The following GRID2 variants were observed in gnomAD, a reference collection of about 807,000 sequenced individuals.
The protein encoded by GRID2 is glutamate receptor ionotropic, delta-2.
A neutral mutation model predicts 114.8 loss-of-function variants in GRID2; 33 were observed. The observed-to-expected ratio is 0.29, with a 90% CI of 0.22 to 0.38. The LOEUF (loss-of-function observed/expected upper bound fraction) is 0.38, where lower values mean the gene tolerates loss of function less well. Ranked by LOEUF, GRID2 falls within the 10% of genes least tolerant of loss-of-function variation. The probability of loss-of-function intolerance (pLI) is 1.00; values close to 1 mark genes in which losing one functional copy is unlikely to be tolerated. For synonymous variants in GRID2, 505 were observed against 449.9 expected (o/e 1.12, Z -1.55); for missense variants, 1,184 against 1,257.7 (o/e 0.94, Z 0.89).
chr4:93,707,639 ATTATCT>A (rs1259934150), intron 14 of GRID2, among the ~76,000 whole-genome samples: 1 of 151,712 alleles, frequency 6.6e-6, no homozygotes, highest in Non-Finnish European at 1.5e-5. Flanking sequence ...TTTTCAAGAA[ATTATCT>A]TTTTCTTTTA....
At chr4:92,615,942 T>C (rs1296083731) in intron 2 of GRID2, among the ~76,000 whole-genome samples, 3 of 151,690 alleles carry the variant, frequency 2.0e-5, no homozygotes, top group Non-Finnish European at 4.4e-5. Flanking sequence ...GTTATTGTCT[T>C]TATATGTTGT....
Position 93,325,162 on chromosome 4 carries a change from T to G in GRID2, c.1246-70445T>G, listed in dbSNP as rs529400682. On this transcript the variant is annotated intron_variant, in intron 8 of 15. Coordinates refer to ENST00000282020, the MANE Select transcript of GRID2 (RefSeq NM_001510.4). Reference sequence around the variant, plus strand: ...AATTTTAGTTCTTTCCTGCTTTCTCTTATGGGCATTGAGTGCTATAAATTT... The same window carrying G: ...AATTTTAGTTCTTTCCTGCTTTCTCGTATGGGCATTGAGTGCTATAAATTT... Among the ~76,000 whole-genome samples the G allele has an allele frequency of 4.1e-4, 63 of 152,314 alleles. 1 individual carries two copies. In the South Asian group the frequency reaches 5.6e-3, roughly 14 times the overall value.
At position 92,704,202 on chromosome 4, in the gene GRID2, C is replaced by T. The variant is rs1409213038; in HGVS notation, c.244+113916C>T. 2.6e-5 allele frequency among the ~76,000 whole-genome samples: 4 copies of T among 152,046 alleles called. No homozygotes were observed. In the South Asian group the frequency reaches 6.2e-4, roughly 24 times the overall value. ...TTGAGGCAGGAGAATGGCATGAATC[C>T]GGGAGGCGGAGCTTGCAGTGAGCCG... On this transcript the variant is annotated intron_variant, in intron 2 of 15. Transcript: ENST00000282020.
intron 1 of GRID2, among the ~76,000 whole-genome samples, chr4:92,368,134 G>T (rs961767503): frequency 3.9e-5 from 6 of 152,088 alleles, no homozygotes; most frequent in African/African-American, 1.4e-4. Context: ...GGGTCTCAGA[G>T]TATGGGTAAT....
intron 2 of GRID2, among the ~76,000 whole-genome samples, chr4:92,950,505 C>T (rs890451602): frequency 1.3e-5 from 2 of 152,110 alleles, no homozygotes; most frequent in African/African-American, 4.8e-5. Context: ...TGATTATTAG[C>T]TTATATCCCT....
intron 1 of GRID2, among the ~76,000 whole-genome samples, chr4:92,437,215 A>G (rs371519236): frequency 2.0e-4 from 31 of 152,296 alleles, no homozygotes; most frequent in African/African-American, 7.0e-4. Context: ...TTGGGCTATG[A>G]CTAGCATTTC....
chr4:92,730,659 A>G lies in GRID2; in HGVS notation c.244+140373A>G, dbSNP rs1380091312. 2.6e-5 allele frequency among the ~76,000 whole-genome samples: 4 copies of G among 151,982 alleles called. No individual in the cohort carries two copies. In the East Asian group the frequency reaches 7.7e-4, roughly 29 times the overall value. On this transcript the variant is annotated intron_variant, in intron 2 of 15. Transcript: ENST00000282020. ...ATATTTTAGTGATTAGACTAAAACAAGCCCAAAGTAATAATAACATGGCAT... is the reference window on the plus strand; with the variant it reads ...ATATTTTAGTGATTAGACTAAAACAGGCCCAAAGTAATAATAACATGGCAT...
intron 12 of GRID2, among the ~76,000 whole-genome samples, chr4:93,514,823 G>T (rs1729550672): frequency 6.6e-6 from 1 of 152,126 alleles, no homozygotes; most frequent in Admixed American, 6.6e-5. Context: ...CTACGTAAAG[G>T]AATGTAGAAC....
intron 11 of GRID2, among the ~76,000 whole-genome samples, chr4:93,471,665 C>G (rs1724809329): frequency 7.1e-6 from 1 of 140,948 alleles, no homozygotes; most frequent in African/African-American, 2.7e-5. Flanking sequence ...TTATTCATTA[C>G]TTAATTCATT....
chr4:92,535,935 T>C (rs544807196), intron 1 of GRID2, among the ~76,000 whole-genome samples: 6 of 152,130 alleles, frequency 3.9e-5, no homozygotes, highest in Non-Finnish European at 5.9e-5. Context: ...TCCTGGTGGG[T>C]TCATGGTCTC....
intron 13 of GRID2, among the ~76,000 whole-genome samples, chr4:93,565,510 T>A (rs187808009): frequency 6.6e-6 from 1 of 152,172 alleles, no homozygotes; most frequent in Non-Finnish European, 1.5e-5. Context: ...ATAATCAATC[T>A]TATTTCTGTT....
intron 12 of GRID2, among the ~76,000 whole-genome samples, chr4:93,495,119 A>G (rs1012000206): frequency 6.6e-6 from 1 of 151,744 alleles, no homozygotes; most frequent in African/African-American, 2.4e-5. Context: ...AAGGGATCCC[A>G]ACATCCCACC....
At chr4:93,359,948 T>C (rs959267208) in intron 8 of GRID2, among the ~76,000 whole-genome samples, 1 of 149,584 alleles carries the variant, frequency 6.7e-6, no homozygotes, top group African/African-American at 2.5e-5. Context: ...ATCACTTCTT[T>C]TATATTCTCT....
intron 2 of GRID2, among the ~76,000 whole-genome samples, chr4:92,916,482 G>A (rs531355714): frequency 7.2e-5 from 11 of 151,958 alleles, no homozygotes; most frequent in South Asian, 2.1e-4. Context: ...TTAACATTAG[G>A]TATATCTCCT....
At chr4:92,713,806 C>G (rs1735398671) in intron 2 of GRID2, among the ~76,000 whole-genome samples, 1 of 151,770 alleles carries the variant, frequency 6.6e-6, no homozygotes, top group Non-Finnish European at 1.5e-5. Context: ...AAGACCTGCC[C>G]CCATGATACA....
chr4:93,522,467 TA>T (rs370887710), intron 13 of GRID2, among the ~76,000 whole-genome samples: 302 of 152,276 alleles, frequency 2.0e-3, no homozygotes, highest in African/African-American at 6.7e-3. Flanking sequence ...TGACTGAGCA[TA>T]AGTGCAAAGT....
chr4:93,216,813 C>T lies in GRID2; in HGVS notation c.865C>T (p.Pro289Ser), dbSNP rs765313483. ...GRLTIIRQTF[P>S]VPQNISQRCF... ...GTTAACGATTATTCGGCAGACATTT[C>T]CAGTTCCCCAGAACATAAGTCAGCG... The change falls in exon 6 of 16, where the codon CCA (proline) becomes TCA (serine). Residue 289 changes from proline (P) to serine (S), a missense_variant. Pro to Ser is a moderately conservative substitution (Grantham distance 74, BLOSUM62 -1). This residue lies in a region of GRID2 where 455 missense variants were observed against 429.5 expected (regional missense o/e 1.06). Coordinates refer to ENST00000282020, the MANE Select transcript of GRID2 (RefSeq NM_001510.4). The T allele has an allele frequency of 6.2e-7, 1 of 1,612,256 alleles. No homozygotes were observed. The highest frequency in any genetic ancestry group is 8.5e-7 in the Non-Finnish European group (1 of 1,178,504).
intron 2 of GRID2, among the ~76,000 whole-genome samples, chr4:92,622,780 T>G (rs141672616): frequency 2.8e-4 from 42 of 151,798 alleles, no homozygotes; most frequent in African/African-American, 9.6e-4. Flanking sequence ...CTTAGGAAAT[T>G]TATCTAAGTA....
chr4:93,072,138 C>T (rs1272471436), intron 2 of GRID2, among the ~76,000 whole-genome samples: 1 of 152,006 alleles, frequency 6.6e-6, no homozygotes, highest in African/African-American at 2.4e-5. Context: ...AGATACAAAG[C>T]ACTTTTTCCC....
Sources: allele counts gnomAD v4.1 joint callset (sites outside exome capture counted in the v4.1 genomes callset), GRCh38; gene constraint gnomAD v4.1.1; regional missense constraint gnomAD v4.1.1; transcripts MANE v1.5; gene names NCBI Gene and HGNC (gene_info 2026-07-23, HGNC 2026-07-21).